COL4A3: variants seen among roughly 807,000 people sequenced by gnomAD.
COL4A3 encodes the protein collagen type IV alpha 3 chain.
COL4A3 carries 135 observed loss-of-function variants against 217.4 expected under a neutral mutation model. That is an observed-to-expected ratio of 0.62 (90% CI 0.54 to 0.72). The LOEUF is 0.72. Among genes scored for constraint, COL4A3 ranks in the 30% least tolerant of loss-of-function variants. The pLI is 0.00. For synonymous variants in COL4A3, 690 were observed against 736.3 expected, an observed-to-expected ratio of 0.94 and a Z score of 1.02; for missense variants, 1,868 against 2,119.9, an observed-to-expected ratio of 0.88 and a Z score of 2.33.
At chr2:227,284,986 G>C (rs2072223816) in intron 34 of COL4A3, among the ~76,000 whole-genome samples, 1 of 152,040 alleles carries the variant, frequency 6.6e-6, no homozygotes, top group Non-Finnish European at 1.5e-5. Flanking sequence ...ATTTTCAGAA[G>C]CCCTCCCTTG....
At chr2:227,289,098 C>G (rs1029754509) in intron 34 of COL4A3, 52 bp from the exon 35 acceptor site, 1 of 1,431,374 alleles carries the variant, frequency 7.0e-7, no homozygotes, top group South Asian at 1.2e-5. Context: ...TTACAGGCAC[C>G]TGCCACCACA....
At chr2:227,252,150 G>A (rs1236450276) in intron 11 of COL4A3, among the ~76,000 whole-genome samples, 1 of 149,832 alleles carries the variant, frequency 6.7e-6, no homozygotes, top group Non-Finnish European at 1.5e-5. Flanking sequence ...GCCCCAACAG[G>A]AAATTGGTCC....
intron 37 of COL4A3, 79 bp downstream of exon 37, chr2:227,290,965 G>T: frequency 2.0e-6 from 3 of 1,496,968 alleles, no homozygotes; most frequent in Non-Finnish European, 2.7e-6. Context: ...CCCAGATTCG[G>T]TGTGGGCAGA....
intron 1 of COL4A3, among the ~76,000 whole-genome samples, chr2:227,176,049 C>CAGGCCAGAGGGGACTTT (rs146494609): frequency 0.063 from 9,638 of 152,152 alleles, 364 homozygotes; most frequent in Admixed American, 0.092. Flanking sequence ...GACACAGGAC[C>CAGGCCAGAGGGGACTTT]AGCACAGAGA....
intron 39 of COL4A3, 38 bp from the exon 40 acceptor site, chr2:227,294,926 A>G: frequency 6.9e-7 from 1 of 1,445,876 alleles, no homozygotes; most frequent in Non-Finnish European, 9.6e-7. Flanking sequence ...TTTGTATACC[A>G]TAGTTTGGGG....
At chr2:227,188,199 C>G (rs1416234724) in intron 1 of COL4A3, among the ~76,000 whole-genome samples, 1 of 151,836 alleles carries the variant, frequency 6.6e-6, no homozygotes, top group African/African-American at 2.4e-5. Flanking sequence ...ATCCTGGCTT[C>G]TTCACTACAT....
At chr2:227,281,136 A>C (rs942774319) in intron 31 of COL4A3, 130 bp downstream of exon 31, 13 of 728,614 alleles carry the variant, frequency 1.8e-5, no homozygotes, top group Admixed American at 8.0e-5. Context: ...GAAATACTTC[A>C]GAAGTGTAAA....
Position 227,249,230 on chromosome 2 carries a change from ATTTTTTT to A in COL4A3, c.546+727_546+733del, listed in dbSNP as rs1247683938. ...TTAGCTAGTATATATATATATATAT[ATTTTTTT>A]TTTTTTTTTTTTTTTTGAGAAGGAG... On this transcript the variant is annotated intron_variant, in intron 9 of 51. Transcript: ENST00000396578. Among the ~76,000 whole-genome samples, 40 of 14,692 alleles carry A rather than the reference ATTTTTTT, an allele frequency of 2.7e-3. 1 individual carries two copies. Among genetic ancestry groups the A allele is most frequent in the African/African-American group, 9.8e-3 (37 of 3,764 alleles). The allele number at this position is 14,692 out of a possible 152,430, so 9.6% of individuals were successfully genotyped here.
chr2:227,188,958 T>C (rs2066132823), intron 1 of COL4A3, among the ~76,000 whole-genome samples: 1 of 152,100 alleles, frequency 6.6e-6, no homozygotes, highest in Non-Finnish European at 1.5e-5. Flanking sequence ...CGAAGGAGCA[T>C]ATAGAAGGGT....
chr2:227,291,291 C>T lies in COL4A3; in HGVS notation c.3210+405C>T, dbSNP rs553000875. On this transcript the variant is annotated intron_variant, in intron 37 of 51. Coordinates refer to ENST00000396578, the MANE Select transcript of COL4A3 (RefSeq NM_000091.5). ...ATAAAAAACACTTGTCGGCCGGGCG[C>T]GGTGGCTCACGCCTGTAATCCTAGC... 1.1e-4 allele frequency among the ~76,000 whole-genome samples: 17 copies of T among 152,182 alleles called. No individual in the cohort carries two copies. The East Asian group carries it at 3.1e-3, about 28-fold the overall frequency.
chr2:227,267,946 C>T (rs913564936), intron 23 of COL4A3, among the ~76,000 whole-genome samples: 4 of 152,280 alleles, frequency 2.6e-5, no homozygotes, highest in African/African-American at 4.8e-5. Context: ...TCGACCTCCC[C>T]GTCTTCAGTC....
At chr2:227,248,784 T>A (rs2069518433) in intron 9 of COL4A3, among the ~76,000 whole-genome samples, 1 of 152,156 alleles carries the variant, frequency 6.6e-6, no homozygotes. Flanking sequence ...TCACTCTCAG[T>A]CACCAAGCTT....
chr2:227,277,259 C>T (rs1024981915), intron 27 of COL4A3, among the ~76,000 whole-genome samples, 190 bp from the exon 28 acceptor site: 1 of 148,116 alleles, frequency 6.8e-6, no homozygotes, highest in African/African-American at 2.5e-5. Flanking sequence ...GCGGAGCTTG[C>T]AATGAGCTGA....
At chr2:227,223,453 GC>G (rs2067917710) in intron 1 of COL4A3, among the ~76,000 whole-genome samples, 1 of 152,172 alleles carries the variant, frequency 6.6e-6, no homozygotes, top group African/African-American at 2.4e-5. Flanking sequence ...GCAAATTCAG[GC>G]CAGGCACAGT....
intron 1 of COL4A3, among the ~76,000 whole-genome samples, chr2:227,181,848 A>C (rs965009922): frequency 2.6e-5 from 4 of 152,202 alleles, no homozygotes; most frequent in African/African-American, 9.6e-5. Flanking sequence ...ATTATTAATT[A>C]GAGTAATGGG....
chr2:227,183,712 C>A (rs1451858808), intron 1 of COL4A3, among the ~76,000 whole-genome samples: 1 of 152,198 alleles, frequency 6.6e-6, no homozygotes, highest in Non-Finnish European at 1.5e-5. Context: ...GACAATTATT[C>A]TTTCCTACTT....
At chr2:227,248,938 A>G (rs956906752) in intron 9 of COL4A3, among the ~76,000 whole-genome samples, 4 of 151,918 alleles carry the variant, frequency 2.6e-5, no homozygotes, top group African/African-American at 9.7e-5. Flanking sequence ...ATGATAAATA[A>G]AAGGTTTTTA....
chr2:227,208,532 A>G (rs1251233231), intron 1 of COL4A3, among the ~76,000 whole-genome samples: 4 of 151,974 alleles, frequency 2.6e-5, no homozygotes, highest in Non-Finnish European at 5.9e-5. Flanking sequence ...TGAAGATTCC[A>G]TCTCCAACCT....
intron 1 of COL4A3, among the ~76,000 whole-genome samples, chr2:227,198,400 T>C (rs1447120652): frequency 1.3e-5 from 2 of 152,358 alleles, no homozygotes; most frequent in East Asian, 3.9e-4. Context: ...TCAAATATAG[T>C]ATATCATTTA....
Sources: allele counts gnomAD v4.1 joint callset (sites outside exome capture counted in the v4.1 genomes callset), GRCh38; gene constraint gnomAD v4.1.1; transcripts MANE v1.5; gene names NCBI Gene and HGNC (gene_info 2026-07-23, HGNC 2026-07-21).